Variants in PCDH9 observed in about 807,000 individuals in gnomAD.
PCDH9 encodes the protein protocadherin 9.
A neutral mutation model predicts 70.6 loss-of-function variants in PCDH9; 24 were observed. The observed-to-expected ratio is 0.34, with a 90% CI of 0.25 to 0.48. PCDH9 has a LOEUF of 0.48. Ranked by LOEUF, PCDH9 falls within the 20% of genes least tolerant of loss-of-function variation. The pLI, the probability that PCDH9 is intolerant of heterozygous loss-of-function variation, is 0.99. For synonymous variants in PCDH9, 562 were observed against 558.5 expected, an observed-to-expected ratio of 1.01 and a Z score of -0.09; for missense variants, 1,281 against 1,503.6, an observed-to-expected ratio of 0.85 and a Z score of 2.45.
At chr13:67,031,451 T>A (rs1040455868) in intron 2 of PCDH9, among the ~76,000 whole-genome samples, 3 of 152,162 alleles carry the variant, frequency 2.0e-5, no homozygotes, top group African/African-American at 4.8e-5. Context: ...ATGTCTGTAA[T>A]CCCAGCACTT....
intron 3 of PCDH9, among the ~76,000 whole-genome samples, chr13:66,792,538 G>A (rs941332582): frequency 8.5e-5 from 13 of 152,060 alleles, no homozygotes; most frequent in East Asian, 3.9e-4. Flanking sequence ...GCTTGGTGGC[G>A]CATGCCTGTA....
At chr13:66,517,587 G>A (rs1959797132) in intron 4 of PCDH9, among the ~76,000 whole-genome samples, 1 of 151,890 alleles carries the variant, frequency 6.6e-6, no homozygotes, top group Non-Finnish European at 1.5e-5. Flanking sequence ...CCAGAATTCA[G>A]CATTAAAGAA....
intron 4 of PCDH9, among the ~76,000 whole-genome samples, chr13:66,589,032 C>T (rs796157694): frequency 9.2e-5 from 14 of 152,060 alleles, no homozygotes; most frequent in African/African-American, 2.6e-4. Flanking sequence ...ATAAAATGTT[C>T]CCTTTTACCT....
chr13:66,969,797 A>T (rs1054294042), intron 2 of PCDH9, among the ~76,000 whole-genome samples: 1 of 151,974 alleles, frequency 6.6e-6, no homozygotes, highest in Non-Finnish European at 1.5e-5. Flanking sequence ...CAGTTATGAG[A>T]TTTTCTTCAT....
chr13:67,209,821 C>T (rs1593624866), intron 2 of PCDH9: 1 of 151,940 alleles, frequency 6.6e-6, no homozygotes, highest in Non-Finnish European at 1.5e-5. Flanking sequence ...GGTATTTCAT[C>T]TAATTTGCAG....
At position 66,756,209 on chromosome 13, in the gene PCDH9, A is replaced by C. The variant is rs570407315; in HGVS notation, c.3139-124798T>G. Among the ~76,000 whole-genome samples the C allele has an allele frequency of 5.9e-5, 9 of 152,350 alleles. No individual in the cohort carries two copies. In the East Asian group the frequency reaches 1.5e-3, roughly 26 times the overall value. The stretch of plus-strand genomic sequence containing the variant: ...AAAAAGCTTTTAAATTCAGAATTAC[A>C]TTTTTAAAATCATGAGGAATATAAG... On this transcript the variant is annotated intron_variant, in intron 3 of 4. Transcript: ENST00000377865.
At chr13:66,623,717 G>A (rs1032316579) in intron 4 of PCDH9, among the ~76,000 whole-genome samples, 5 of 152,098 alleles carry the variant, frequency 3.3e-5, no homozygotes, top group Non-Finnish European at 7.3e-5. Context: ...GGAATTATAG[G>A]CATGAGCCAC....
chr13:66,805,880 A>G (rs147973116), intron 3 of PCDH9, among the ~76,000 whole-genome samples: 1 of 151,920 alleles, frequency 6.6e-6, no homozygotes, highest in East Asian at 1.9e-4. Flanking sequence ...GTTCATATTT[A>G]TTTTCTGTTT....
chr13:67,099,002 C>T (rs959961935), intron 2 of PCDH9, among the ~76,000 whole-genome samples: 1 of 152,102 alleles, frequency 6.6e-6, no homozygotes, highest in African/African-American at 2.4e-5. Flanking sequence ...TAAAGAATGA[C>T]CTCATGTTGA....
chr13:67,169,652 A>G (rs976791534), intron 2 of PCDH9, among the ~76,000 whole-genome samples: 8 of 152,232 alleles, frequency 5.3e-5, no homozygotes, highest in Non-Finnish European at 1.2e-4. Flanking sequence ...ATGTCAACTC[A>G]TATAGAATCT....
chr13:67,209,422 G>A (rs1188669575), intron 2 of PCDH9: 1 of 151,998 alleles, frequency 6.6e-6, no homozygotes, highest in Non-Finnish European at 1.5e-5. Context: ...GGCATTTCTG[G>A]AACTATTTAA....
At chr13:66,775,133 G>T (rs1189429079) in intron 3 of PCDH9, among the ~76,000 whole-genome samples, 16 of 152,130 alleles carry the variant, frequency 1.1e-4, no homozygotes, top group Admixed American at 1.0e-3. Flanking sequence ...TTTTAAAAAT[G>T]ACAAAACATT....
intron 3 of PCDH9, among the ~76,000 whole-genome samples, chr13:66,773,661 T>TA (rs1308544832): frequency 1.3e-5 from 2 of 150,862 alleles, no homozygotes. Context: ...AAAATAAAAA[T>TA]AAAAATTAAT....
chr13:66,436,158 G>C (rs543866165), intron 4 of PCDH9, among the ~76,000 whole-genome samples: 1 of 152,072 alleles, frequency 6.6e-6, no homozygotes, highest in Non-Finnish European at 1.5e-5. Flanking sequence ...TTGCTTTGTT[G>C]AAAGTTCATT....
At chr13:66,763,442 G>A (rs1191966091) in intron 3 of PCDH9, among the ~76,000 whole-genome samples, 1 of 151,888 alleles carries the variant, frequency 6.6e-6, no homozygotes, top group Non-Finnish European at 1.5e-5. Context: ...GATTCCACTA[G>A]GGCCAATAGA....
chr13:66,799,184 C>T (rs567186213), intron 3 of PCDH9, among the ~76,000 whole-genome samples: 1 of 152,060 alleles, frequency 6.6e-6, no homozygotes, highest in African/African-American at 2.4e-5. Context: ...CTTTAAACTC[C>T]CTTGTTCTCT....
At chr13:67,152,301 A>G (rs2087683217) in intron 2 of PCDH9, among the ~76,000 whole-genome samples, 1 of 152,202 alleles carries the variant, frequency 6.6e-6, no homozygotes, top group African/African-American at 2.4e-5. Context: ...AATTTATGAA[A>G]TCCACTGGTT....
chr13:67,036,865 C>A (rs565265434), intron 2 of PCDH9, among the ~76,000 whole-genome samples: 1 of 152,308 alleles, frequency 6.6e-6, no homozygotes, highest in East Asian at 1.9e-4. Flanking sequence ...CGGAAGCCTT[C>A]GTGGTCTGAG....
At chr13:66,402,405 T>C (rs1449953529) in intron 4 of PCDH9, among the ~76,000 whole-genome samples, 1 of 152,098 alleles carries the variant, frequency 6.6e-6, no homozygotes, top group Non-Finnish European at 1.5e-5. Flanking sequence ...ATAAGAAATA[T>C]GTTTAACATC....
Sources: allele counts gnomAD v4.1 joint callset (sites outside exome capture counted in the v4.1 genomes callset), GRCh38; gene constraint gnomAD v4.1.1; transcripts MANE v1.5; gene names NCBI Gene and HGNC (gene_info 2026-07-23, HGNC 2026-07-21).